The following ATP6V1H variants were observed in gnomAD, a reference collection of about 807,000 sequenced individuals.
ATP6V1H encodes the protein ATPase H+ transporting V1 subunit H, also known as V-type proton ATPase subunit H.
Under a neutral mutation model 71.7 loss-of-function variants are expected in ATP6V1H, and 39 were observed. The observed-to-expected ratio is 0.54, with a 90% CI of 0.42 to 0.71. ATP6V1H has a LOEUF of 0.71. Ranked by LOEUF, ATP6V1H falls within the 30% of genes least tolerant of loss-of-function variation. The pLI is 0.00. For synonymous variants in ATP6V1H, 192 were observed against 199.3 expected, an observed-to-expected ratio of 0.96 and a Z score of 0.31; for missense variants, 509 against 594.9, an observed-to-expected ratio of 0.86 and a Z score of 1.50.
At chr8:53,808,651 T>C (rs1810170824) in intron 7 of ATP6V1H, among the ~76,000 whole-genome samples, 1 of 151,934 alleles carries the variant, frequency 6.6e-6, no homozygotes, top group Admixed American at 6.6e-5. Flanking sequence ...GTGCTTGTAG[T>C]CCCAGCTACT....
chr8:53,813,245 T>C (rs1281343516), intron 6 of ATP6V1H, among the ~76,000 whole-genome samples: 1 of 152,206 alleles, frequency 6.6e-6, no homozygotes, highest in African/African-American at 2.4e-5. Context: ...AAATTGATGC[T>C]ATTAACATAA....
intron 13 of ATP6V1H, among the ~76,000 whole-genome samples, chr8:53,732,053 T>C (rs1194812295): frequency 6.6e-6 from 1 of 152,248 alleles, no homozygotes; most frequent in Non-Finnish European, 1.5e-5. Flanking sequence ...AGTGGAAGCG[T>C]GGCCTGATCA....
At chr8:53,820,777 T>C (rs780419185) in intron 4 of ATP6V1H, among the ~76,000 whole-genome samples, 7 of 146,424 alleles carry the variant, frequency 4.8e-5, no homozygotes, top group Non-Finnish European at 1.0e-4. Context: ...AGGTCAGGAG[T>C]TCTAGACCAG....
intron 2 of ATP6V1H, among the ~76,000 whole-genome samples, chr8:53,839,092 G>C (rs1811264725): frequency 1.3e-5 from 2 of 152,264 alleles, no homozygotes; most frequent in South Asian, 2.1e-4. Context: ...AGATATATAG[G>C]AAAACGGGAA....
At chr8:53,758,339 T>C (rs1331022246) in intron 11 of ATP6V1H, among the ~76,000 whole-genome samples, 2 of 152,062 alleles carry the variant, frequency 1.3e-5, no homozygotes, top group Non-Finnish European at 2.9e-5. Context: ...AAAAGAAAAA[T>C]AGCTCAGAGT....
At chr8:53,807,337 C>T (rs1029567738) in intron 7 of ATP6V1H, among the ~76,000 whole-genome samples, 6 of 151,930 alleles carry the variant, frequency 3.9e-5, no homozygotes, top group African/African-American at 9.7e-5. Flanking sequence ...TGGTGGCTCA[C>T]GTCTGTAATC....
chr8:53,801,367 A>G (rs1351230630), intron 8 of ATP6V1H, among the ~76,000 whole-genome samples: 1 of 152,234 alleles, frequency 6.6e-6, no homozygotes. Context: ...TTGTCTGTAT[A>G]AGCCTGAACA....
chr8:53,761,315 C>T (rs1295472192), intron 11 of ATP6V1H, among the ~76,000 whole-genome samples: 3 of 148,336 alleles, frequency 2.0e-5, no homozygotes, highest in Non-Finnish European at 4.4e-5. Context: ...CCAGCCTGGG[C>T]AACAGAGCGA....
At chr8:53,755,518 A>C (rs925196931) in intron 12 of ATP6V1H, among the ~76,000 whole-genome samples, 5 of 145,430 alleles carry the variant, frequency 3.4e-5, no homozygotes, top group Non-Finnish European at 4.5e-5. Flanking sequence ...TGGGGGTGGG[A>C]GTGGCGATTC....
At chr8:53,786,148 G>GAGGC (rs1809374738) in intron 9 of ATP6V1H, among the ~76,000 whole-genome samples, 1 of 152,212 alleles carries the variant, frequency 6.6e-6, no homozygotes, top group African/African-American at 2.4e-5. Flanking sequence ...GGAGCCTACA[G>GAGGC]AGGCAGGCAG....
At chr8:53,740,447 A>T (rs1807369829) in intron 13 of ATP6V1H, among the ~76,000 whole-genome samples, 1 of 152,242 alleles carries the variant, frequency 6.6e-6, no homozygotes, top group Non-Finnish European at 1.5e-5. Context: ...TGTCACGCAG[A>T]CCTTCATGCT....
intron 6 of ATP6V1H, among the ~76,000 whole-genome samples, chr8:53,813,052 T>A (rs1045853550): frequency 6.6e-6 from 1 of 152,190 alleles, no homozygotes; most frequent in Non-Finnish European, 1.5e-5. Flanking sequence ...AAGGGAGAAG[T>A]GTATCCTATT....
intron 13 of ATP6V1H, among the ~76,000 whole-genome samples, chr8:53,717,078 C>T (rs1336601544): frequency 6.6e-6 from 1 of 152,166 alleles, no homozygotes; most frequent in Non-Finnish European, 1.5e-5. Flanking sequence ...TCGTCTCTTG[C>T]CTATCGCCTA....
In ATP6V1H at chr8:53,800,824, C is replaced by T. The variant is rs76169983; in HGVS notation, c.677+975G>A. ...TTTTCACTCTCTTTATTCTTAGTTC[C>T]GTCAATTTTTCACAAAATGACTAAA... On this transcript the variant is annotated intron_variant, in intron 8 of 13. Coordinates refer to ENST00000359530, the MANE Select transcript of ATP6V1H (RefSeq NM_015941.4). Among the ~76,000 whole-genome samples the T allele has an allele frequency of 5.0e-3, 763 of 152,014 alleles. 16 individuals carry two copies. The East Asian group carries it at 0.054, about 11-fold the overall frequency.
chr8:53,778,107 G>C (rs1459823339), intron 9 of ATP6V1H, among the ~76,000 whole-genome samples: 1 of 152,092 alleles, frequency 6.6e-6, no homozygotes, highest in Non-Finnish European at 1.5e-5. Context: ...GAAAGGATGT[G>C]TATTGTGACT....
Position 53,797,424 on chromosome 8 carries a change from T to C in ATP6V1H, c.678-1585A>G, listed in dbSNP as rs185091409. Among the ~76,000 whole-genome samples the C allele has an allele frequency of 2.2e-3, 337 of 152,332 alleles. 2 individuals are homozygous for C. Among genetic ancestry groups the C allele is most frequent in the African/African-American group, 7.8e-3 (326 of 41,576 alleles). On this transcript the variant is annotated intron_variant, in intron 8 of 13. Transcript: ENST00000359530. The stretch of plus-strand genomic sequence containing the variant: ...AAGCCTCATCACATTTCCTCAAAGA[T>C]GTCAGCACTAGCCAACTGGCTCCCC...
intron 5 of ATP6V1H, among the ~76,000 whole-genome samples, chr8:53,817,117 G>A (rs1810477284): frequency 6.6e-6 from 1 of 151,970 alleles, no homozygotes; most frequent in Admixed American, 6.6e-5. Context: ...AGGTTACTAT[G>A]TCATAAAAGG....
chr8:53,787,157 T>G (rs2130385002), intron 9 of ATP6V1H, among the ~76,000 whole-genome samples: 1 of 152,338 alleles, frequency 6.6e-6, no homozygotes, highest in South Asian at 2.1e-4. Context: ...TGGACCACAC[T>G]TTTAAAAATG....
In ATP6V1H at chr8:53,795,677, T is replaced by A; in HGVS notation, c.840A>T (p.Lys280Asn). 1 of 1,612,708 alleles carries A rather than the reference T, an allele frequency of 6.2e-7. No homozygotes were observed. The highest frequency in any genetic ancestry group is 8.5e-7 in the Non-Finnish European group (1 of 1,179,708). Residue 280 changes from lysine (K) to asparagine (N), a missense_variant, in exon 9 of 14, where the codon AAA becomes AAT. Lys to Asn is a moderately conservative substitution (Grantham distance 94, BLOSUM62 0). Around this residue, in one of 2 missense-constraint regions of ATP6V1H, gnomAD observed 212 missense variants for 291.6 expected, o/e 0.73. Transcript: ENST00000359530. Reference sequence around the variant, plus strand: ...ATGCTGCAAGAATGATTCTTGTTACTTTCTCTTTGACAGACTCCTGAAGGA... The same window carrying A: ...ATGCTGCAAGAATGATTCTTGTTACATTCTCTTTGACAGACTCCTGAAGGA... ...SDILQESVKE[K>N]VTRIILAAFR...
Sources: gnomAD v4.1 joint callset for allele counts (sites outside exome capture counted in the v4.1 genomes callset) on GRCh38, gnomAD v4.1.1 for gene constraint, gnomAD v4.1.1 regional missense constraint, MANE v1.5 for transcripts, NCBI Gene and HGNC (gene_info 2026-07-23, HGNC 2026-07-21) for gene names.